The following FBXO46 variants were observed in gnomAD, a reference collection of about 807,000 sequenced individuals.
FBXO46 encodes F-box protein 46.
FBXO46 carries 13 observed loss-of-function variants against 30.7 expected under a neutral mutation model. The observed-to-expected ratio is 0.42, with a 90% CI of 0.28 to 0.67. The LOEUF (loss-of-function observed/expected upper bound fraction) is 0.67. Among genes scored for constraint, FBXO46 ranks in the 30% least tolerant of loss-of-function variants. The probability of loss-of-function intolerance (pLI) is 0.21; values close to 1 mark genes in which losing one functional copy is unlikely to be tolerated. For synonymous variants in FBXO46, 467 were observed against 385.8 expected (o/e 1.21, Z -2.47); for missense variants, 754 against 871.5 (o/e 0.87, Z 1.70).
intron 1 of FBXO46, among the ~76,000 whole-genome samples, chr19:45,729,944 G>A (rs1427028672): frequency 6.6e-6 from 1 of 152,134 alleles, no homozygotes; most frequent in African/African-American, 2.4e-5. Flanking sequence ...CATTCCGGGG[G>A]CGGAGAACTT....
chr19:45,723,396 A>G (rs1364497933), intron 1 of FBXO46: 1 of 152,042 alleles, frequency 6.6e-6, no homozygotes, highest in Non-Finnish European at 1.5e-5. Flanking sequence ...TGAATGAAAC[A>G]CTTGTGGATT....
chr19:45,727,438 A>T (rs1030870147), intron 1 of FBXO46, among the ~76,000 whole-genome samples: 1 of 151,834 alleles, frequency 6.6e-6, no homozygotes, highest in Non-Finnish European at 1.5e-5. Context: ...CAAGCCTGTA[A>T]TCTCAGCTAC....
rs1968265589 is a variant in FBXO46, at chr19:45,728,340, C to T, written c.-79+2509G>A. ...AGAGAGAAAGGAGACAGCCTGACATCTTCCCTCTTGGTTCCTCTCTACTGC... is the reference window on the plus strand; with the variant it reads ...AGAGAGAAAGGAGACAGCCTGACATTTTCCCTCTTGGTTCCTCTCTACTGC... On this transcript the variant is annotated intron_variant, in intron 1 of 1. Transcript: ENST00000317683. Among the ~76,000 whole-genome samples, 5 of 152,360 alleles carry T rather than the reference C, an allele frequency of 3.3e-5. No individual in the cohort carries two copies. The South Asian group carries it at 1.0e-3, about 32-fold the overall frequency.
At position 45,712,788 on chromosome 19, in the gene FBXO46, C is replaced by A. The variant is rs547331880; in HGVS notation, c.708G>T (p.Ala236=). 2.7e-5 allele frequency: 43 copies of A among 1,611,592 alleles called. 1 individual carries two copies. The South Asian group carries it at 3.4e-4, about 13-fold the overall frequency. The change falls in exon 2 of 2, where the codon GCG becomes GCT. Residue 236 remains alanine (A), a synonymous_variant. Transcript: ENST00000317683. This position sits in a 1 kb window ranked among gnomAD's most constrained non-coding sequence, Gnocchi z 8.8. ...CCTTGGTGGGAGGGCTGTCCCTCTG[C>A]GCTTCAAAGTGGGCCACGGCCTCGG... is the stretch of plus-strand genomic sequence containing the variant. ...RVAEAVAHFE[A]QRDSPPTKGL...
upstream of FBXO46, among the ~76,000 whole-genome samples, chr19:45,732,593 T>C (rs1730548100): frequency 8.1e-6 from 1 of 123,134 alleles, no homozygotes; most frequent in African/African-American, 3.7e-5. Context: ...TTTTCCTTTT[T>C]TTTTTTTTTT....
At chr19:45,718,798 C>G (rs1968133779) in intron 1 of FBXO46, among the ~76,000 whole-genome samples, 1 of 152,026 alleles carries the variant, frequency 6.6e-6, no homozygotes, top group African/African-American at 2.4e-5. Flanking sequence ...AGGCCCTACA[C>G]TAGGTCAGCC....
chr19:45,712,944 G>A lies in FBXO46; in HGVS notation c.552C>T (p.Ala184=), dbSNP rs886582064. ...GTCGTGGGTAGCTCTGCAGGGCCAG[G>A]GCTGCCCGCTGTTCCACCAGGGCCA... ...EMVALVEQRA[A]LALQSYPRPT... The change falls in exon 2 of 2, where the codon GCC becomes GCT. Residue 184 remains alanine, a synonymous_variant. Transcript: ENST00000317683. The surrounding 1 kb of genome is among the most constrained non-coding windows in gnomAD (Gnocchi z 8.8). 3.8e-6 allele frequency: 6 copies of A among 1,595,750 alleles called. No individual in the cohort carries two copies. The highest frequency in any genetic ancestry group is 1.7e-4 in the Middle Eastern group (1 of 5,938).
chr19:45,719,900 C>T (rs963474722), intron 1 of FBXO46, among the ~76,000 whole-genome samples: 1 of 152,196 alleles, frequency 6.6e-6, no homozygotes, highest in Non-Finnish European at 1.5e-5. Context: ...CTTCTATCTC[C>T]TATTTTTAAT....
At chr19:45,721,559 T>C (rs920295978) in intron 1 of FBXO46, among the ~76,000 whole-genome samples, 1 of 146,604 alleles carries the variant, frequency 6.8e-6, no homozygotes, top group Non-Finnish European at 1.5e-5. Context: ...GTTCCTTTTT[T>C]TTTTTTTTTT....
upstream of FBXO46, among the ~76,000 whole-genome samples, chr19:45,731,916 G>A (rs1568551166): frequency 6.6e-6 from 1 of 151,764 alleles, no homozygotes; most frequent in Non-Finnish European, 1.5e-5. Context: ...AGGAGATCAA[G>A]ACCATCCTGG....
chr19:45,728,349 T>C (rs1002580835), intron 1 of FBXO46, among the ~76,000 whole-genome samples: 1 of 152,210 alleles, frequency 6.6e-6, no homozygotes. Context: ...TCTTCCCTCT[T>C]GGTTCCTCTC....
In FBXO46 at chr19:45,711,633, G is replaced by C. The variant is rs17851943; in HGVS notation, c.*51C>G. 5 of 1,398,374 alleles carry C rather than the reference G, an allele frequency of 3.6e-6. No homozygotes were observed. The highest frequency in any genetic ancestry group is 4.9e-6 in the Non-Finnish European group (5 of 1,021,838). 86.6% of individuals were successfully genotyped at this position (1,398,374 alleles called of 1,614,324 possible). On this transcript the variant is annotated 3_prime_UTR_variant, in exon 2 of 2. Transcript: ENST00000317683. Reference sequence around the variant, plus strand: ...CCAGTCCGGACCCTCGGCTCCCGGGGGGAGAGGGGAGGGGTGGGCGTGGTG... The same window carrying C: ...CCAGTCCGGACCCTCGGCTCCCGGGCGGAGAGGGGAGGGGTGGGCGTGGTG...
At chr19:45,721,320 G>A (rs1968167401) in intron 1 of FBXO46, among the ~76,000 whole-genome samples, 1 of 151,942 alleles carries the variant, frequency 6.6e-6, no homozygotes, top group Non-Finnish European at 1.5e-5. Context: ...CTCCAGCCTG[G>A]GTGCCAAAGC....
chr19:45,710,671 T>G lies in FBXO46; in HGVS notation c.*1013A>C, dbSNP rs1744693934. On this transcript the variant is annotated 3_prime_UTR_variant, in exon 2 of 2. Transcript: ENST00000317683. ...ATAGAAAGGACCAATTCAAAATTGGTCAGATGCCACACGCTAGAAGCTTCC... is the reference window on the plus strand; with the variant it reads ...ATAGAAAGGACCAATTCAAAATTGGGCAGATGCCACACGCTAGAAGCTTCC... The G allele has an allele frequency of 6.6e-6, 1 of 151,766 alleles. No individual in the cohort carries two copies. The highest frequency in any genetic ancestry group is 1.5e-5 in the Non-Finnish European group (1 of 68,026). The allele number at this position is 151,766 out of a possible 1,614,324, so 9.4% of individuals were successfully genotyped here.
chr19:45,716,457 A>G (rs1968091872), intron 1 of FBXO46: 1 of 151,918 alleles, frequency 6.6e-6, no homozygotes, highest in South Asian at 2.1e-4. Flanking sequence ...CACCGAACCT[A>G]AAAATATCCT....
intron 1 of FBXO46, among the ~76,000 whole-genome samples, chr19:45,728,660 A>T (rs1019645563): frequency 2.0e-5 from 3 of 152,064 alleles, no homozygotes; most frequent in Non-Finnish European, 4.4e-5. Context: ...ACAAAGTAAG[A>T]CCCGCGTCTC....
chr19:45,725,888 G>T (rs1433936415), intron 1 of FBXO46, among the ~76,000 whole-genome samples: 1 of 151,886 alleles, frequency 6.6e-6, no homozygotes, highest in Non-Finnish European at 1.5e-5. Context: ...TTGTTTGTTT[G>T]TTTGAGATGG....
Position 45,713,289 on chromosome 19 carries a change from C to G in FBXO46, c.207G>C (p.Pro69=). 6.2e-7 allele frequency: 1 copy of G among 1,607,954 alleles called. No homozygotes were observed. Among genetic ancestry groups the G allele is most frequent in the Non-Finnish European group, 8.5e-7 (1 of 1,175,708 alleles). ...CAGCTGCTGCTGAGAGGAGCGGAGC[C>G]GGCTGGGAGGCAGGGACCTCAGTGG... The part of the protein sequence containing the change: ...ALATEVPASQ[P]APLLSAAAAG... The change falls in exon 2 of 2, where the codon CCG becomes CCC. Residue 69 remains proline, a synonymous_variant. Transcript: ENST00000317683. This position sits in a 1 kb window ranked among gnomAD's most constrained non-coding sequence, Gnocchi z 4.7.
Position 45,712,089 on chromosome 19 carries a change from C to T in FBXO46, c.1407G>A (p.Pro469=). The change falls in exon 2 of 2, where the codon CCG becomes CCA. Residue 469 remains proline (P), a synonymous_variant. Transcript: ENST00000317683. The surrounding 1 kb of genome is among the most constrained non-coding windows in gnomAD (Gnocchi z 8.8). ...CGGGCAGCAGCAGCATGTACTGTCG[C>T]GGCTCCAGCAGCCGCTGAATCTTGA... is the stretch of plus-strand genomic sequence containing the variant. ...IRFKIQRLLE[P]RQYMLLLPEH... The T allele has an allele frequency of 6.2e-7, 1 of 1,605,440 alleles. No individual in the cohort carries two copies. Among genetic ancestry groups the T allele is most frequent in the Non-Finnish European group, 8.5e-7 (1 of 1,176,856 alleles).
Sources: gnomAD v4.1 joint callset for allele counts (sites outside exome capture counted in the v4.1 genomes callset) on GRCh38, gnomAD v4.1.1 for gene constraint, Gnocchi (gnomAD v3.1) non-coding constraint, MANE v1.5 for transcripts, NCBI Gene and HGNC (gene_info 2026-07-23, HGNC 2026-07-21) for gene names.